The following CTNNA3 variants were observed in gnomAD, a reference collection of about 807,000 sequenced individuals.
The protein encoded by CTNNA3 is catenin alpha-3.
A neutral mutation model predicts 95.7 loss-of-function variants in CTNNA3; 76 were observed. That is an observed-to-expected ratio of 0.79 (90% CI 0.66 to 0.96). The LOEUF is 0.96. Ranked by LOEUF, CTNNA3 falls within the 40% of genes least tolerant of loss-of-function variation. The pLI is 0.00. For synonymous variants in CTNNA3, 431 were observed against 374.4 expected (o/e 1.15, Z -1.74); for missense variants, 1,191 against 1,089.8 (o/e 1.09, Z -1.31).
intron 17 of CTNNA3, among the ~76,000 whole-genome samples, chr10:65,964,118 A>G (rs556500259): frequency 1.9e-3 from 286 of 152,292 alleles, no homozygotes; most frequent in Non-Finnish European, 3.0e-3. Context: ...CTTTGGAATC[A>G]TGCTTGCCAT....
chr10:66,360,652 T>A (rs2092652217), intron 12 of CTNNA3, among the ~76,000 whole-genome samples: 1 of 60,604 alleles, frequency 1.7e-5, no homozygotes, highest in Non-Finnish European at 3.3e-5. Context: ...TCTTTCTTTC[T>A]TTCTTTCTTC....
rs867538515 is a variant in CTNNA3 at position 67,317,496 on chromosome 10, G to A, written c.580-97626C>T. On this transcript the variant is annotated intron_variant, in intron 5 of 17. Transcript: ENST00000433211. ...GCTGCAGTGCAGTGGCACAATCTTG[G>A]CTCACTGCAACCTCCGCCTTCCGGG... is the stretch of plus-strand genomic sequence containing the variant. 2.0e-5 allele frequency among the ~76,000 whole-genome samples: 3 copies of A among 151,366 alleles called. No individual in the cohort carries two copies. The South Asian group carries it at 6.3e-4, about 32-fold the overall frequency.
rs1277123710 is a variant in CTNNA3 at position 67,117,261 on chromosome 10, T to A, written c.1047+63056A>T. Among the ~76,000 whole-genome samples, 11 of 145,484 alleles carry A rather than the reference T, an allele frequency of 7.6e-5. No homozygotes were observed. The South Asian group carries it at 8.7e-4, about 12-fold the overall frequency. On this transcript the variant is annotated intron_variant, in intron 7 of 17. Transcript: ENST00000433211. ...CAGAGTCCCTTCTGGCTCCAATATT[T>A]AAAAAAAAAAACAACTATACTCCAT...
intron 12 of CTNNA3, among the ~76,000 whole-genome samples, chr10:66,332,100 C>A (rs1233694753): frequency 6.6e-6 from 1 of 151,892 alleles, no homozygotes; most frequent in East Asian, 1.9e-4. Context: ...GATTTTGTAT[C>A]CTGAGACTTT....
At chr10:66,097,650 C>T (rs558969238) in intron 14 of CTNNA3, among the ~76,000 whole-genome samples, 1 of 152,156 alleles carries the variant, frequency 6.6e-6, no homozygotes, top group South Asian at 2.1e-4. Context: ...AAGTCATTTG[C>T]TCACCTATTC....
chr10:66,438,198 G>C (rs917125149), intron 11 of CTNNA3, among the ~76,000 whole-genome samples: 1 of 152,220 alleles, frequency 6.6e-6, no homozygotes, highest in African/African-American at 2.4e-5. Flanking sequence ...TGAGGAGGCA[G>C]TCTGTCCCTT....
At chr10:66,141,945 A>G (rs985664759) in intron 13 of CTNNA3, among the ~76,000 whole-genome samples, 8 of 152,122 alleles carry the variant, frequency 5.3e-5, no homozygotes, top group Admixed American at 3.3e-4. Flanking sequence ...TATTGTCTCC[A>G]TGTCTGTGGA....
intron 3 of CTNNA3, among the ~76,000 whole-genome samples, chr10:67,581,398 A>G (rs942660841): frequency 2.0e-5 from 3 of 152,144 alleles, no homozygotes; most frequent in African/African-American, 7.2e-5. Flanking sequence ...CTTGAATCCC[A>G]GGGATGAAGC....
At chr10:66,069,655 A>G (rs1345852039) in intron 14 of CTNNA3, among the ~76,000 whole-genome samples, 166 bp from the exon 15 acceptor site, 2 of 152,286 alleles carry the variant, frequency 1.3e-5, no homozygotes, top group East Asian at 3.9e-4. Context: ...ATTTCATATA[A>G]AAATCTATTA....
chr10:66,626,514 T>C (rs1844941492), intron 9 of CTNNA3, among the ~76,000 whole-genome samples: 2 of 152,296 alleles, frequency 1.3e-5, no homozygotes, highest in African/African-American at 4.8e-5. Context: ...AGATAATTTA[T>C]TGTCTTCCAG....
chr10:66,645,297 T>G (rs1362954816), intron 9 of CTNNA3, among the ~76,000 whole-genome samples: 1 of 152,212 alleles, frequency 6.6e-6, no homozygotes, highest in South Asian at 2.1e-4. Context: ...CGAATATTTT[T>G]TCCTATTTTG....
intron 11 of CTNNA3, among the ~76,000 whole-genome samples, chr10:66,516,522 G>A (rs1244332302): frequency 2.6e-5 from 4 of 152,216 alleles, no homozygotes; most frequent in African/African-American, 7.2e-5. Flanking sequence ...TATGCATTTC[G>A]TACCAACTCA....
At chr10:67,251,361 G>C (rs1316814064) in intron 5 of CTNNA3, among the ~76,000 whole-genome samples, 2 of 152,130 alleles carry the variant, frequency 1.3e-5, no homozygotes, top group African/African-American at 4.8e-5. Context: ...GTACAGGGTT[G>C]CTTTTGGAGG....
At chr10:66,501,679 A>T (rs149372213) in intron 11 of CTNNA3, among the ~76,000 whole-genome samples, 3 of 152,150 alleles carry the variant, frequency 2.0e-5, no homozygotes, top group Non-Finnish European at 4.4e-5. Flanking sequence ...TCTTGTTGTC[A>T]TGCGCCTGTG....
intron 9 of CTNNA3, among the ~76,000 whole-genome samples, chr10:66,706,742 T>C (rs1430072255): frequency 1.3e-5 from 2 of 152,028 alleles, no homozygotes; most frequent in African/African-American, 2.4e-5. Flanking sequence ...TAGTTCTTCC[T>C]GCCATGCAGT....
chr10:67,527,058 A>C (rs1840166708), intron 4 of CTNNA3, among the ~76,000 whole-genome samples: 1 of 152,162 alleles, frequency 6.6e-6, no homozygotes, highest in Non-Finnish European at 1.5e-5. Context: ...GGAGTTCGAG[A>C]CCAGCCTGGC....
intron 7 of CTNNA3, among the ~76,000 whole-genome samples, chr10:66,841,417 A>G (rs575063231): frequency 6.6e-6 from 1 of 152,338 alleles, no homozygotes; most frequent in African/African-American, 2.4e-5. Context: ...TCATCAATTT[A>G]ATTAGCTTTC....
Position 67,160,626 on chromosome 10 carries a change from G to A in CTNNA3, c.1047+19691C>T, listed in dbSNP as rs111253325. 1.7e-3 allele frequency among the ~76,000 whole-genome samples: 262 copies of A among 151,798 alleles called. 1 individual carries two copies. Among genetic ancestry groups the A allele is most frequent in the African/African-American group, 5.3e-3 (219 of 41,428 alleles). On this transcript the variant is annotated intron_variant, in intron 7 of 17. Coordinates refer to ENST00000433211, the MANE Select transcript of CTNNA3 (RefSeq NM_013266.4). Reference sequence around the variant, plus strand: ...TAATTTTTATATTTTTTGTAGAAACGGGGTTTTGCCATGTTCCCCAGGATG... The same window carrying A: ...TAATTTTTATATTTTTTGTAGAAACAGGGTTTTGCCATGTTCCCCAGGATG...
intron 13 of CTNNA3, among the ~76,000 whole-genome samples, chr10:66,174,821 T>C (rs2085623525): frequency 6.6e-6 from 1 of 152,118 alleles, no homozygotes; most frequent in Admixed American, 6.6e-5. Flanking sequence ...TATTCACATA[T>C]GCTATCTCCT....
Sources: allele counts gnomAD v4.1 joint callset (sites outside exome capture counted in the v4.1 genomes callset), GRCh38; gene constraint gnomAD v4.1.1; transcripts MANE v1.5; gene names NCBI Gene and HGNC (gene_info 2026-07-23, HGNC 2026-07-21).